The following CASD1 variants were observed in gnomAD, a reference collection of about 807,000 sequenced individuals.
CASD1 encodes CAS1 domain sialic acid O acetyltransferase 1.
A neutral mutation model predicts 100.0 loss-of-function variants in CASD1; 41 were observed. The ratio of observed to expected loss-of-function variants is 0.41; its 90% confidence interval spans 0.32 to 0.53. The LOEUF (loss-of-function observed/expected upper bound fraction) is 0.53. Ranked by LOEUF, CASD1 falls within the 20% of genes least tolerant of loss-of-function variation. CASD1 has a pLI of 0.25. For synonymous variants in CASD1, 321 were observed against 315.6 expected (o/e 1.02, Z -0.18); for missense variants, 774 against 948.7 (o/e 0.82, Z 2.42).
At chr7:94,623,077 T>G in the CASD1 span, among the ~76,000 whole-genome samples, 2 of 152,130 alleles carry the variant, frequency 1.3e-5, no homozygotes, top group African/African-American at 4.8e-5. Flanking sequence ...TTTAAGGTAA[T>G]GAAAAAGGCT....
At chr7:94,588,080 A>G in the CASD1 span, 1 of 1,316,914 alleles carries the variant, frequency 7.6e-7, no homozygotes, top group South Asian at 1.9e-5. Flanking sequence ...TAAGTTATCT[A>G]CTCAGTATAG....
the CASD1 span, among the ~76,000 whole-genome samples, chr7:94,584,130 C>T: frequency 6.6e-6 from 1 of 152,198 alleles, no homozygotes. Flanking sequence ...CAAATGGCTT[C>T]TTTACTAGAA....
the CASD1 span, chr7:94,625,042 A>G: frequency 2.6e-5 from 4 of 151,956 alleles, no homozygotes; most frequent in Non-Finnish European, 5.9e-5. Flanking sequence ...ATATCCTCAG[A>G]TTTTACTTAT....
chr7:94,533,759 A>G lies in CASD1; in HGVS notation c.585A>G (p.Leu195=). ...ACATCACCTCCATAGCACCACTTTT[A>G]GAAAAATTGGCAAAGACTAGTGATG... The part of the protein sequence containing the change: ...KMNITSIAPL[L]EKLAKTSDVY... Residue 195 remains leucine, a synonymous_variant, in exon 7 of 18, where the codon TTA becomes TTG. Coordinates refer to ENST00000297273, the MANE Select transcript of CASD1 (RefSeq NM_022900.5). 8.1e-6 allele frequency: 13 copies of G among 1,603,486 alleles called. No homozygotes were observed. Among genetic ancestry groups the G allele is most frequent in the Non-Finnish European group, 1.1e-5 (13 of 1,174,916 alleles).
the CASD1 span, among the ~76,000 whole-genome samples, chr7:94,568,056 C>G: frequency 1.3e-5 from 2 of 152,118 alleles, no homozygotes; most frequent in Admixed American, 6.5e-5. Flanking sequence ...AAGAAAACCT[C>G]TGATTTAAAA....
the CASD1 span, chr7:94,626,359 A>C: frequency 2.0e-5 from 3 of 152,062 alleles, no homozygotes; most frequent in African/African-American, 7.2e-5. Flanking sequence ...CCATAGGTCA[A>C]AGAGATTTTT....
chr7:94,549,755 AAG>A, intron 14 of CASD1, 121 bp downstream of exon 14: 4 of 686,732 alleles, frequency 5.8e-6, no homozygotes, highest in Non-Finnish European at 7.2e-6. Context: ...TAGTAAATCA[AAG>A]CAGTCCAGCA....
the CASD1 span, chr7:94,587,924 A>G: frequency 1.4e-6 from 2 of 1,447,166 alleles, no homozygotes; most frequent in Non-Finnish European, 1.8e-6. Flanking sequence ...TTTCCCTACC[A>G]CAATGCCGCT....
the CASD1 span, chr7:94,623,441 T>C: frequency 2.4e-6 from 3 of 1,229,594 alleles, no homozygotes; most frequent in Non-Finnish European, 3.6e-6. Flanking sequence ...AAATGTTCTT[T>C]GTAAAATGAA....
At chr7:94,625,544 C>T in the CASD1 span, 88 of 152,112 alleles carry the variant, frequency 5.8e-4, no homozygotes, top group African/African-American at 2.0e-3. Context: ...TGGTGTTTAA[C>T]GATCCATTCA....
intron 1 of CASD1, among the ~76,000 whole-genome samples, chr7:94,516,744 G>A (rs1793996261): frequency 6.6e-6 from 1 of 151,784 alleles, no homozygotes; most frequent in Non-Finnish European, 1.5e-5. Context: ...ATCCAAAAGT[G>A]TAGAGTGACT....
chr7:94,534,953 T>C (rs1795047149), intron 7 of CASD1, among the ~76,000 whole-genome samples: 1 of 152,172 alleles, frequency 6.6e-6, no homozygotes, highest in Non-Finnish European at 1.5e-5. Context: ...AATTAAGCAG[T>C]CTTCTATAAC....
chr7:94,608,116 G>A, the CASD1 span, among the ~76,000 whole-genome samples: 1 of 152,172 alleles, frequency 6.6e-6, no homozygotes. Context: ...GGCCGAGGCA[G>A]GTGGGTCACC....
At chr7:94,516,384 C>T (rs1272516925) in intron 1 of CASD1, among the ~76,000 whole-genome samples, 1 of 152,060 alleles carries the variant, frequency 6.6e-6, no homozygotes, top group African/African-American at 2.4e-5. Flanking sequence ...TAATGAGTAA[C>T]TAGATTGAGA....
chr7:94,545,467 TCTGC>T (rs939315820), intron 11 of CASD1, 74 bp from the exon 12 acceptor site: 1 of 1,061,624 alleles, frequency 9.4e-7, no homozygotes, highest in African/African-American at 1.6e-5. Context: ...TCAGAGAAAA[TCTGC>T]CTTTGCTGTT....
At chr7:94,632,542 A>G in the CASD1 span, among the ~76,000 whole-genome samples, 4 of 152,124 alleles carry the variant, frequency 2.6e-5, no homozygotes, top group Non-Finnish European at 5.9e-5. Context: ...CTTTAAGTAT[A>G]GTATGCCATT....
intron 3 of CASD1, among the ~76,000 whole-genome samples, chr7:94,522,982 A>AT (rs1310447948): frequency 1.3e-5 from 2 of 152,178 alleles, no homozygotes; most frequent in African/African-American, 4.8e-5. Flanking sequence ...TTTAACGTGT[A>AT]TTACACCATT....
the CASD1 span, among the ~76,000 whole-genome samples, chr7:94,567,690 G>A: frequency 6.6e-6 from 1 of 152,098 alleles, no homozygotes; most frequent in African/African-American, 2.4e-5. Flanking sequence ...TTTTTTCAAA[G>A]GCAAGGTCCT....
the CASD1 span, chr7:94,622,267 T>TC: frequency 6.6e-6 from 1 of 152,160 alleles, no homozygotes; most frequent in Non-Finnish European, 1.5e-5. Flanking sequence ...AAATTCTGGA[T>TC]CAGTTTCCCT....
Sources: gnomAD v4.1 joint callset for allele counts (sites outside exome capture counted in the v4.1 genomes callset) on GRCh38, gnomAD v4.1.1 for gene constraint, MANE v1.5 for transcripts, NCBI Gene and HGNC (gene_info 2026-07-23, HGNC 2026-07-21) for gene names.